The following ZCCHC7 variants were observed in gnomAD, a reference collection of about 807,000 sequenced individuals.
The protein encoded by ZCCHC7 is zinc finger CCHC-type containing 7.
In ZCCHC7, 35 loss-of-function variants were observed where a neutral mutation model predicts 52.0. The ratio of observed to expected loss-of-function variants is 0.67; its 90% confidence interval spans 0.51 to 0.89. The LOEUF (loss-of-function observed/expected upper bound fraction) is 0.89. ZCCHC7 is among the 40% of genes least tolerant of loss of function. The probability of loss-of-function intolerance (pLI) is 0.00; values close to 1 mark genes in which losing one functional copy is unlikely to be tolerated. For missense variants in ZCCHC7, 574 were observed against 649.1 expected, an observed-to-expected ratio of 0.88 and a Z score of 1.26; for synonymous variants, 217 against 221.5, an observed-to-expected ratio of 0.98 and a Z score of 0.18.
At chr9:37,256,185 C>T (rs2133420596) in intron 2 of ZCCHC7, among the ~76,000 whole-genome samples, 1 of 152,236 alleles carries the variant, frequency 6.6e-6, no homozygotes, top group East Asian at 1.9e-4. Context: ...TATGATAGGT[C>T]ATGGATCTTT....
At chr9:37,296,720 G>T (rs181253170) in intron 2 of ZCCHC7, among the ~76,000 whole-genome samples, 4 of 151,994 alleles carry the variant, frequency 2.6e-5, no homozygotes, top group Non-Finnish European at 5.9e-5. Context: ...TATTTATCGC[G>T]AAGGTTGTCA....
chr9:37,334,861 T>TGGTA (rs1283633599), intron 6 of ZCCHC7, among the ~76,000 whole-genome samples: 1 of 152,094 alleles, frequency 6.6e-6, no homozygotes, highest in African/African-American at 2.4e-5. Context: ...TCACCTTAAT[T>TGGTA]GGTACACCAG....
At chr9:37,297,112 A>G (rs919727848) in intron 2 of ZCCHC7, among the ~76,000 whole-genome samples, 1 of 152,226 alleles carries the variant, frequency 6.6e-6, no homozygotes, top group Non-Finnish European at 1.5e-5. Context: ...AATTTGTTAT[A>G]GGCAGAATTC....
At chr9:37,160,714 C>T (rs1023575159) in intron 2 of ZCCHC7, among the ~76,000 whole-genome samples, 7 of 151,998 alleles carry the variant, frequency 4.6e-5, no homozygotes, top group South Asian at 2.1e-4. Flanking sequence ...GTTGAAACCC[C>T]GTCTGTACTC....
chr9:37,136,518 T>G (rs1237489683), intron 2 of ZCCHC7, among the ~76,000 whole-genome samples: 2 of 152,122 alleles, frequency 1.3e-5, no homozygotes, highest in Admixed American at 1.3e-4. Flanking sequence ...AGTACAGTAT[T>G]GCAGTCATGG....
Position 37,302,183 on chromosome 9 carries a change from T to A in ZCCHC7, c.611-5T>A. 1 of 1,606,184 alleles carries A rather than the reference T, an allele frequency of 6.2e-7. No homozygotes were observed. The highest frequency in any genetic ancestry group is 8.5e-7 in the Non-Finnish European group (1 of 1,175,446). ...CGGTTAAGTAATAATTTATTTGTTT[T>A]GTAGGAGAAGATGGTATAAACTGGT... is the stretch of plus-strand genomic sequence containing the variant. On this transcript the variant is annotated splice_region_variant and splice_polypyrimidine_tract_variant and intron_variant, in intron 2 of 8. Coordinates refer to ENST00000336755, the MANE Select transcript of ZCCHC7 (RefSeq NM_032226.3).
intron 2 of ZCCHC7, among the ~76,000 whole-genome samples, chr9:37,165,535 G>A (rs1037356601): frequency 6.6e-6 from 1 of 152,124 alleles, no homozygotes; most frequent in African/African-American, 2.4e-5. Context: ...TTTGTCAAAT[G>A]CTTTTTGTGG....
Position 37,357,929 on chromosome 9 carries a change from A to G in ZCCHC7, c.*661A>G, listed in dbSNP as rs557126259. On this transcript the variant is annotated 3_prime_UTR_variant, in exon 9 of 9. Coordinates refer to ENST00000336755, the MANE Select transcript of ZCCHC7 (RefSeq NM_032226.3). ...AGTAAAAGAGACATCAAAAATTTTA[A>G]CATAATCACAATGAAATCATTTTTT... The G allele has an allele frequency of 6.6e-6, 1 of 152,276 alleles. No individual in the cohort carries two copies. The highest frequency in any genetic ancestry group is 1.9e-4 in the East Asian group (1 of 5,182). 9.4% of individuals were successfully genotyped at this position (152,276 alleles called of 1,614,324 possible).
intron 2 of ZCCHC7, among the ~76,000 whole-genome samples, chr9:37,279,959 C>A (rs1345332888): frequency 6.6e-6 from 1 of 151,936 alleles, no homozygotes; most frequent in Non-Finnish European, 1.5e-5. Flanking sequence ...TCGAGGCCAT[C>A]CTGGCTAACA....
chr9:37,203,172 C>T (rs1376292803), intron 2 of ZCCHC7, among the ~76,000 whole-genome samples: 1 of 152,160 alleles, frequency 6.6e-6, no homozygotes, highest in Non-Finnish European at 1.5e-5. Flanking sequence ...GCTATATAAC[C>T]TTACTGAACT....
intron 2 of ZCCHC7, among the ~76,000 whole-genome samples, chr9:37,249,565 C>T (rs1381712114): frequency 6.7e-6 from 1 of 150,126 alleles, no homozygotes; most frequent in African/African-American, 2.5e-5. Flanking sequence ...AATTCTCCTG[C>T]CTCAGCCTCC....
chr9:37,203,736 T>C (rs1466234564), intron 2 of ZCCHC7, among the ~76,000 whole-genome samples: 1 of 152,210 alleles, frequency 6.6e-6, no homozygotes, highest in East Asian at 1.9e-4. Context: ...GTTCCATGTC[T>C]TTTGTATTGT....
chr9:37,242,652 G>A (rs181305725), intron 2 of ZCCHC7, among the ~76,000 whole-genome samples: 10 of 151,852 alleles, frequency 6.6e-5, no homozygotes, highest in Admixed American at 6.6e-4. Context: ...AAGCTGACAG[G>A]ATGACATAGT....
At chr9:37,123,047 T>C (rs1022779484) in intron 1 of ZCCHC7, among the ~76,000 whole-genome samples, 3 of 152,264 alleles carry the variant, frequency 2.0e-5, no homozygotes, top group African/African-American at 7.2e-5. Context: ...TAACCTTGAA[T>C]AGGCTTCCTA....
chr9:37,278,362 G>A (rs903836915), intron 2 of ZCCHC7, among the ~76,000 whole-genome samples: 3 of 152,154 alleles, frequency 2.0e-5, no homozygotes, highest in African/African-American at 7.2e-5. Flanking sequence ...ACTGAAAAAT[G>A]TAATATCTGT....
At chr9:37,262,818 A>G (rs1246227600) in intron 2 of ZCCHC7, among the ~76,000 whole-genome samples, 2 of 152,164 alleles carry the variant, frequency 1.3e-5, no homozygotes, top group Non-Finnish European at 2.9e-5. Context: ...TCTTGTAGGC[A>G]TTCTATCCAC....
At chr9:37,332,140 A>G (rs780595102) in intron 6 of ZCCHC7, among the ~76,000 whole-genome samples, 2 of 151,670 alleles carry the variant, frequency 1.3e-5, no homozygotes, top group East Asian at 3.9e-4. Flanking sequence ...AGGTGTTGCT[A>G]TTGAGACATT....
chr9:37,280,597 A>C (rs1024402695), intron 2 of ZCCHC7, among the ~76,000 whole-genome samples: 1 of 130,852 alleles, frequency 7.6e-6, no homozygotes. Context: ...CAATAGAATT[A>C]GAAATCTATA....
intron 5 of ZCCHC7, among the ~76,000 whole-genome samples, chr9:37,319,449 A>C (rs1004770764): frequency 6.6e-6 from 1 of 152,018 alleles, no homozygotes; most frequent in Non-Finnish European, 1.5e-5. Flanking sequence ...GTTTTTTGAG[A>C]CAGGGTCTTA....
Sources: allele counts gnomAD v4.1 joint callset (sites outside exome capture counted in the v4.1 genomes callset), GRCh38; gene constraint gnomAD v4.1.1; transcripts MANE v1.5; gene names NCBI Gene and HGNC (gene_info 2026-07-23, HGNC 2026-07-21).